The following FAM120B variants were observed in gnomAD, a reference collection of about 807,000 sequenced individuals.
The protein encoded by FAM120B is constitutive coactivator of peroxisome proliferator-activated receptor gamma.
A neutral mutation model predicts 96.3 loss-of-function variants in FAM120B; 83 were observed. The observed-to-expected ratio is 0.86, with a 90% CI of 0.72 to 1.03. The LOEUF (loss-of-function observed/expected upper bound fraction) is 1.03, where lower values mean the gene tolerates loss of function less well. Among genes scored for constraint, FAM120B ranks in the 50% least tolerant of loss-of-function variants. The pLI, the probability that FAM120B is intolerant of heterozygous loss-of-function variation, is 0.00. For missense variants in FAM120B, 1,027 were observed against 1,121.2 expected (o/e 0.92, Z 1.20); for synonymous variants, 407 against 402.7 (o/e 1.01, Z -0.13).
In FAM120B at chr6:170,330,789, C is replaced by T. The variant is rs183325679; in HGVS notation, c.2017+239C>T. ...GCGGTGCTCTGCCTCTTTCTCCATC[C>T]ACCCTGGTCCAGGTCCACAGCAGTG... On this transcript the variant is annotated intron_variant, in intron 4 of 10. Coordinates refer to ENST00000476287, the MANE Select transcript of FAM120B (RefSeq NM_032448.3). The T allele has an allele frequency of 7.5e-5, 39 of 522,614 alleles. No homozygotes were observed. The Middle Eastern group carries it at 7.5e-3, about 101-fold the overall frequency. 32.4% of individuals were successfully genotyped at this position (522,614 alleles called of 1,614,324 possible).
chr6:170,353,009 C>A lies in FAM120B; in HGVS notation c.2190+4686C>A, dbSNP rs188544363. The stretch of plus-strand genomic sequence containing the variant: ...ACACTAATAAAGAAGAGAGAAGAAT[C>A]AAATAAATACAATCAGAAATGATAA... On this transcript the variant is annotated intron_variant, in intron 5 of 10. Transcript: ENST00000476287. Among the ~76,000 whole-genome samples, 32 of 151,892 alleles carry A rather than the reference C, an allele frequency of 2.1e-4. No individual in the cohort carries two copies. The East Asian group carries it at 5.8e-3, about 28-fold the overall frequency.
At chr6:170,319,217 C>A in intron 2 of FAM120B, 93 bp downstream of exon 2, 1 of 1,248,406 alleles carries the variant, frequency 8.0e-7, no homozygotes. Flanking sequence ...CAGTGTTTGG[C>A]CACTGAGAGG....
intron 5 of FAM120B, among the ~76,000 whole-genome samples, chr6:170,355,845 T>C (rs978301247): frequency 2.6e-5 from 4 of 152,226 alleles, no homozygotes; most frequent in African/African-American, 9.6e-5. Context: ...GTAGTTAACG[T>C]TGAGTCATAG....
At chr6:170,301,820 A>AT (rs765999451), upstream of FAM120B, among the ~76,000 whole-genome samples, 6 of 152,212 alleles carry the variant, frequency 3.9e-5, no homozygotes, top group Non-Finnish European at 8.8e-5. Flanking sequence ...TTCATTGTCC[A>AT]TATCACTAAC....
At chr6:170,321,914 C>T (rs548020437) in intron 2 of FAM120B, among the ~76,000 whole-genome samples, 15 of 152,318 alleles carry the variant, frequency 9.8e-5, no homozygotes, top group Admixed American at 3.3e-4. Context: ...ATGAGACACT[C>T]TTAGGATTCA....
intron 4 of FAM120B, among the ~76,000 whole-genome samples, chr6:170,345,534 G>A (rs1382589776): frequency 2.0e-5 from 3 of 152,234 alleles, no homozygotes; most frequent in African/African-American, 7.2e-5. Flanking sequence ...GCTAGCAGCT[G>A]TTCATCTTTC....
At chr6:170,308,985 T>A (rs1459135004) in intron 1 of FAM120B, among the ~76,000 whole-genome samples, 1 of 152,226 alleles carries the variant, frequency 6.6e-6, no homozygotes, top group African/African-American at 2.4e-5. Flanking sequence ...ATGCCTGTAT[T>A]GTTAGATTTA....
At chr6:170,391,859 C>T (rs1279890585) in intron 8 of FAM120B, among the ~76,000 whole-genome samples, 10 of 152,304 alleles carry the variant, frequency 6.6e-5, no homozygotes, top group South Asian at 6.2e-4. Context: ...TCTGTGTTTG[C>T]ATCTCATTGT....
intron 1 of FAM120B, among the ~76,000 whole-genome samples, chr6:170,313,563 C>A (rs1292428074): frequency 6.6e-6 from 1 of 152,234 alleles, no homozygotes; most frequent in Non-Finnish European, 1.5e-5. Flanking sequence ...GCTGCTTACT[C>A]TCCATTAGAG....
chr6:170,401,019 T>C (rs1206564498), intron 9 of FAM120B, among the ~76,000 whole-genome samples: 1 of 152,264 alleles, frequency 6.6e-6, no homozygotes, highest in Non-Finnish European at 1.5e-5. Context: ...AGCAGCTTTC[T>C]TCCGATTCTG....
intron 3 of FAM120B, among the ~76,000 whole-genome samples, chr6:170,325,521 A>G (rs1785532672): frequency 6.8e-6 from 1 of 146,470 alleles, no homozygotes; most frequent in African/African-American, 2.5e-5. Flanking sequence ...CATTTGGATT[A>G]TTAGATTTAC....
At chr6:170,401,357 G>C (rs775714643) in intron 9 of FAM120B, among the ~76,000 whole-genome samples, 1 of 152,178 alleles carries the variant, frequency 6.6e-6, no homozygotes, top group Non-Finnish European at 1.5e-5. Context: ...TGAGGAGAGA[G>C]CCCTCAGATG....
At chr6:170,341,749 T>C (rs934667913) in intron 4 of FAM120B, among the ~76,000 whole-genome samples, 2 of 152,166 alleles carry the variant, frequency 1.3e-5, no homozygotes, top group South Asian at 4.1e-4. Context: ...CCCCAGCTCC[T>C]TGCACTTCCT....
At chr6:170,395,714 A>G (rs1190522650) in intron 9 of FAM120B, 135 bp downstream of exon 9, 29 of 634,596 alleles carry the variant, frequency 4.6e-5, no homozygotes, top group South Asian at 1.7e-4. Context: ...AAATATACCA[A>G]TGCATCTAAT....
intron 6 of FAM120B, among the ~76,000 whole-genome samples, chr6:170,365,778 C>A (rs982939103): frequency 2.0e-5 from 3 of 151,940 alleles, no homozygotes; most frequent in South Asian, 2.1e-4. Context: ...CCGCCTCCCC[C>A]ACAGGCTGCC....
At chr6:170,396,398 C>T (rs1778167882) in intron 9 of FAM120B, among the ~76,000 whole-genome samples, 1 of 152,170 alleles carries the variant, frequency 6.6e-6, no homozygotes, top group Non-Finnish European at 1.5e-5. Flanking sequence ...GTACAGTCAG[C>T]AAACATTGCG....
intron 9 of FAM120B, among the ~76,000 whole-genome samples, chr6:170,400,901 C>G (rs952477329): frequency 1.3e-5 from 2 of 152,106 alleles, no homozygotes; most frequent in African/African-American, 4.8e-5. Flanking sequence ...AGGTCAAGTG[C>G]CAGGAAGGAT....
chr6:170,303,877 TCTAG>T (rs113058772), upstream of FAM120B, among the ~76,000 whole-genome samples: 986 of 152,362 alleles, frequency 6.5e-3, 7 homozygotes, highest in African/African-American at 0.022. Context: ...CACTTTCCTA[TCTAG>T]CTATTACTTA....
chr6:170,296,790 G>T (rs1191253846), intron 1 of FAM120B, among the ~76,000 whole-genome samples: 1 of 152,118 alleles, frequency 6.6e-6, no homozygotes, highest in Non-Finnish European at 1.5e-5. Context: ...CCCTCGGTAC[G>T]GGCCCCCTGC....
Sources: allele counts gnomAD v4.1 joint callset (sites outside exome capture counted in the v4.1 genomes callset), GRCh38; gene constraint gnomAD v4.1.1; transcripts MANE v1.5; gene names NCBI Gene and HGNC (gene_info 2026-07-23, HGNC 2026-07-21).